Variants in LRRC41 observed in about 807,000 individuals in gnomAD.
The protein encoded by LRRC41 is leucine rich repeat containing 41, also known as leucine-rich repeat-containing protein 41.
Under a neutral mutation model 72.1 loss-of-function variants are expected in LRRC41, and 17 were observed. That is an observed-to-expected ratio of 0.24 (90% CI 0.16 to 0.35). LRRC41 has a LOEUF of 0.35. LRRC41 is among the 10% of genes least tolerant of loss of function. The pLI, the probability that LRRC41 is intolerant of heterozygous loss-of-function variation, is 1.00. For synonymous variants in LRRC41, 427 were observed against 431.0 expected, an observed-to-expected ratio of 0.99 and a Z score of 0.11; for missense variants, 759 against 1,065.0, an observed-to-expected ratio of 0.71 and a Z score of 4.00.
intron 3 of LRRC41, among the ~76,000 whole-genome samples, chr1:46,290,276 G>A (rs1294948754): frequency 6.6e-6 from 1 of 152,130 alleles, no homozygotes; most frequent in Non-Finnish European, 1.5e-5. Context: ...TGGGCATAGT[G>A]GTGCATGCCT....
In LRRC41 at chr1:46,277,468, A is replaced by G. The variant is rs554064302; in HGVS notation, c.*1397T>C. ...GTCAGCACAGGGTCTGGAATAGAAT[A>G]GATACCTAAATGATATTTATTGAAT... On this transcript the variant is annotated 3_prime_UTR_variant, in exon 10 of 10. Transcript: ENST00000617190. 5.3e-6 allele frequency: 2 copies of G among 378,254 alleles called. No homozygotes were observed. The highest frequency in any genetic ancestry group is 2.4e-5 in the South Asian group (1 of 42,448). 23.4% of individuals were successfully genotyped at this position (378,254 alleles called of 1,614,324 possible).
intron 4 of LRRC41, among the ~76,000 whole-genome samples, chr1:46,283,913 C>G (rs1366547009): frequency 6.6e-6 from 1 of 152,078 alleles, no homozygotes; most frequent in Non-Finnish European, 1.5e-5. Flanking sequence ...ATCCACCCAC[C>G]TTGACCTCCC....
In LRRC41 at chr1:46,278,249, G is replaced by A. The variant is rs778055918; in HGVS notation, c.*616C>T. On this transcript the variant is annotated 3_prime_UTR_variant, in exon 10 of 10. Coordinates refer to ENST00000617190, the MANE Select transcript of LRRC41 (RefSeq NM_006369.5). ...CTGCCATCACCTTCGTCTTCCACCAGCGTTCTCATGAGGAGCAGCGGGGCC... is the reference window on the plus strand; with the variant it reads ...CTGCCATCACCTTCGTCTTCCACCAACGTTCTCATGAGGAGCAGCGGGGCC... 5 of 1,613,806 alleles carry A rather than the reference G, an allele frequency of 3.1e-6. No individual in the cohort carries two copies. The South Asian group carries it at 4.4e-5, about 14-fold the overall frequency.
chr1:46,290,168 G>A (rs1660977351), intron 3 of LRRC41, among the ~76,000 whole-genome samples: 1 of 152,218 alleles, frequency 6.6e-6, no homozygotes, highest in African/African-American at 2.4e-5. Context: ...AGTACTTGGG[G>A]ATGCCAAGGT....
chr1:46,282,478 G>C (rs1660799554), intron 4 of LRRC41, among the ~76,000 whole-genome samples: 1 of 152,166 alleles, frequency 6.6e-6, no homozygotes, highest in Non-Finnish European at 1.5e-5. Flanking sequence ...GCAGCACATT[G>C]CTTTTTTTTC....
At chr1:46,281,514 C>A in intron 4 of LRRC41, 129 bp from the exon 5 acceptor site, 2 of 904,054 alleles carry the variant, frequency 2.2e-6, no homozygotes, top group Admixed American at 2.7e-5. Context: ...TATTTAAACC[C>A]ATTTGTCTTA....
chr1:46,292,942 T>C (rs1252005730), intron 3 of LRRC41, among the ~76,000 whole-genome samples: 2 of 152,204 alleles, frequency 1.3e-5, no homozygotes, highest in African/African-American at 4.8e-5. Flanking sequence ...TCCCAGCACT[T>C]TGGGAGACCG....
rs879924975 is a variant in LRRC41, at chr1:46,285,168, A to G, written c.1495+194T>C. On this transcript the variant is annotated intron_variant, in intron 4 of 9. Transcript: ENST00000617190. This position sits in a 1 kb window ranked among gnomAD's most constrained non-coding sequence, Gnocchi z 5.3. ...CCCTCAGGAACCCCTGCTTTCAACA[A>G]CTAATCAAGTGTATAGACTTTATGT... The G allele has an allele frequency of 9.3e-5, 57 of 613,986 alleles. No individual in the cohort carries two copies. Among genetic ancestry groups the G allele is most frequent in the Non-Finnish European group, 1.6e-4 (54 of 342,822 alleles). The allele number at this position is 613,986 out of a possible 1,614,324, so 38.0% of individuals were successfully genotyped here.
chr1:46,277,993 C>T lies in LRRC41; in HGVS notation c.*872G>A. 1 of 1,614,080 alleles carries T rather than the reference C, an allele frequency of 6.2e-7. No homozygotes were observed. The highest frequency in any genetic ancestry group is 8.5e-7 in the Non-Finnish European group (1 of 1,180,024). On this transcript the variant is annotated 3_prime_UTR_variant, in exon 10 of 10. Transcript: ENST00000617190. ...ACACACATGACAGGTGGGGAAGTGC[C>T]CTAACCATTATCTCTAAGCTACCCA...
chr1:46,281,437 T>C (rs1205185020), intron 4 of LRRC41, 52 bp from the exon 5 acceptor site: 1 of 1,567,184 alleles, frequency 6.4e-7, no homozygotes, highest in East Asian at 2.3e-5. Flanking sequence ...TCAGCAGGGG[T>C]AATATATTCA....
At position 46,279,722 on chromosome 1, in the gene LRRC41, AAG is replaced by A; in HGVS notation, c.2021-110_2021-109del. ...GGTATTAACATTATAGAGGCCCAAAAAGAGGAAGGAATTTGTCTAGACTCCAA... is the reference window on the plus strand; with the variant it reads ...GGTATTAACATTATAGAGGCCCAAAAAGGAAGGAATTTGTCTAGACTCCAA... On this transcript the variant is annotated intron_variant, in intron 7 of 9. Coordinates refer to ENST00000617190, the MANE Select transcript of LRRC41 (RefSeq NM_006369.5). This position sits in a 1 kb window ranked among gnomAD's most constrained non-coding sequence, Gnocchi z 4.5. 5 of 1,303,514 alleles carry A rather than the reference AAG, an allele frequency of 3.8e-6. No individual in the cohort carries two copies. In the South Asian group the frequency reaches 5.4e-5, roughly 14 times the overall value. The allele number at this position is 1,303,514 out of a possible 1,614,324, so 80.7% of individuals were successfully genotyped here.
Position 46,302,995 on chromosome 1 carries a change from C to T in LRRC41, c.199+129G>A, listed in dbSNP as rs1661276817. On this transcript the variant is annotated intron_variant, in intron 1 of 9. Coordinates refer to ENST00000617190, the MANE Select transcript of LRRC41 (RefSeq NM_006369.5). This position sits in a 1 kb window ranked among gnomAD's most constrained non-coding sequence, Gnocchi z 4.7. The stretch of plus-strand genomic sequence containing the variant: ...CAGTCACAAAATTCATTCTCCGATC[C>T]TACGAGCTGGCTTTCAGCGCCCCAG... The T allele has an allele frequency of 1.5e-6, 2 of 1,314,242 alleles. No individual in the cohort carries two copies. Among genetic ancestry groups the T allele is most frequent in the East Asian group, 6.2e-5 (2 of 32,494 alleles). 81.4% of individuals were successfully genotyped at this position (1,314,242 alleles called of 1,614,324 possible).
rs1029259346 is a variant in LRRC41, at chr1:46,279,400, C to A, written c.2143+92G>T. 4.4e-6 allele frequency: 7 copies of A among 1,594,326 alleles called. No individual in the cohort carries two copies. Among genetic ancestry groups the A allele is most frequent in the Non-Finnish European group, 6.0e-6 (7 of 1,162,476 alleles). ...ATATCTGTATTCCAACTCCCACGTT[C>A]CCAGTGGAGAGGTCTTTGCCTTTAT... On this transcript the variant is annotated intron_variant, in intron 8 of 9. Transcript: ENST00000617190. The surrounding 1 kb of genome is among the most constrained non-coding windows in gnomAD (Gnocchi z 4.5).
In LRRC41 at chr1:46,279,732, A is replaced by G; in HGVS notation, c.2021-118T>C. ...TTATAGAGGCCCAAAAAGAGGAAGGAATTTGTCTAGACTCCAAGCAAGGCT... is the reference window on the plus strand; with the variant it reads ...TTATAGAGGCCCAAAAAGAGGAAGGGATTTGTCTAGACTCCAAGCAAGGCT... On this transcript the variant is annotated intron_variant, in intron 7 of 9. Coordinates refer to ENST00000617190, the MANE Select transcript of LRRC41 (RefSeq NM_006369.5). The surrounding 1 kb of genome is among the most constrained non-coding windows in gnomAD (Gnocchi z 4.5). 1 of 1,220,088 alleles carries G rather than the reference A, an allele frequency of 8.2e-7. No individual in the cohort carries two copies. Among genetic ancestry groups the G allele is most frequent in the Non-Finnish European group, 1.2e-6 (1 of 858,514 alleles). The allele number at this position is 1,220,088 out of a possible 1,614,324, so 75.6% of individuals were successfully genotyped here.
chr1:46,280,072 A>G (rs916633095), intron 7 of LRRC41, 120 bp downstream of exon 7: 3 of 730,336 alleles, frequency 4.1e-6, no homozygotes, highest in African/African-American at 3.5e-5. Context: ...TGCAGGTTCT[A>G]TATCCATTTT....
chr1:46,297,235 T>C (rs1661143335), intron 3 of LRRC41: 1 of 216,952 alleles, frequency 4.6e-6, no homozygotes, highest in Non-Finnish European at 9.3e-6. Context: ...TTAAAACTCA[T>C]TGAAGTATTG....
chr1:46,295,087 C>G (rs571867691), intron 3 of LRRC41, among the ~76,000 whole-genome samples: 1 of 150,276 alleles, frequency 6.7e-6, no homozygotes, highest in East Asian at 2.0e-4. Flanking sequence ...GAGACAGGGT[C>G]TCTCTCCTGT....
rs577560720 is a variant in LRRC41 at position 46,294,796 on chromosome 1, T to C, written c.357+2767A>G. On this transcript the variant is annotated intron_variant, in intron 3 of 9. Transcript: ENST00000617190. ...TTTCAGTAGAGACAGGGTTTCACCA[T>C]GTTGGCCAGGCTGGTCTTGAACTCC... Among the ~76,000 whole-genome samples the C allele has an allele frequency of 5.3e-5, 8 of 152,110 alleles. No homozygotes were observed. The South Asian group carries it at 1.7e-3, about 32-fold the overall frequency.
At chr1:46,298,016 A>G (rs1446783607) in intron 2 of LRRC41, among the ~76,000 whole-genome samples, 1 of 152,114 alleles carries the variant, frequency 6.6e-6, no homozygotes, top group Non-Finnish European at 1.5e-5. Flanking sequence ...TAAAATAGAG[A>G]AACTAAGATT....
Sources: gnomAD v4.1 joint callset for allele counts (sites outside exome capture counted in the v4.1 genomes callset) on GRCh38, gnomAD v4.1.1 for gene constraint, Gnocchi (gnomAD v3.1) non-coding constraint, MANE v1.5 for transcripts, NCBI Gene and HGNC (gene_info 2026-07-23, HGNC 2026-07-21) for gene names.